The following GLIS3 variants were observed in gnomAD, a reference collection of about 807,000 sequenced individuals.
GLIS3 encodes zinc finger protein GLIS3.
In GLIS3, 53 loss-of-function variants were observed where a neutral mutation model predicts 78.6. The observed-to-expected ratio is 0.67, with a 90% CI of 0.54 to 0.85. The LOEUF is 0.85. Ranked by LOEUF, GLIS3 falls within the 40% of genes least tolerant of loss-of-function variation. The probability of loss-of-function intolerance (pLI) is 0.00; values close to 1 mark genes in which losing one functional copy is unlikely to be tolerated. For missense variants in GLIS3, 1,703 were observed against 1,231.1 expected (o/e 1.38, Z -5.74); for synonymous variants, 684 against 509.9 (o/e 1.34, Z -4.60).
the GLIS3 span, among the ~76,000 whole-genome samples, chr9:4,459,279 T>C: frequency 1.3e-5 from 2 of 152,046 alleles, no homozygotes; most frequent in Admixed American, 1.3e-4. Flanking sequence ...TGTGGGAATA[T>C]AAGAGAAAGA....
intron 2 of GLIS3, among the ~76,000 whole-genome samples, chr9:4,184,100 C>A (rs904231992): frequency 6.6e-6 from 1 of 152,124 alleles, no homozygotes; most frequent in Non-Finnish European, 1.5e-5. Flanking sequence ...GCCATTTATA[C>A]TGAAAACACC....
At chr9:4,427,041 C>T in the GLIS3 span, among the ~76,000 whole-genome samples, 1 of 152,102 alleles carries the variant, frequency 6.6e-6, no homozygotes, top group African/African-American at 2.4e-5. Flanking sequence ...ACAAATTTTG[C>T]ACATAGTAAA....
chr9:4,402,781 G>C, the GLIS3 span, among the ~76,000 whole-genome samples: 13 of 152,006 alleles, frequency 8.6e-5, no homozygotes, highest in African/African-American at 2.9e-4. Flanking sequence ...CACAGAAGGG[G>C]AAAGAAAGAT....
At chr9:4,466,618 G>C in the GLIS3 span, among the ~76,000 whole-genome samples, 1 of 152,232 alleles carries the variant, frequency 6.6e-6, no homozygotes, top group Non-Finnish European at 1.5e-5. Context: ...TGGAAATGCA[G>C]GTTGGTGTAT....
At chr9:4,022,335 T>G (rs1027745343) in intron 4 of GLIS3, among the ~76,000 whole-genome samples, 2 of 152,210 alleles carry the variant, frequency 1.3e-5, no homozygotes, top group Non-Finnish European at 2.9e-5. Flanking sequence ...ATATTTTAGG[T>G]TTTCCCCCTT....
intron 2 of GLIS3, among the ~76,000 whole-genome samples, chr9:4,275,882 T>C (rs57796216): frequency 0.029 from 4,369 of 152,286 alleles, 211 homozygotes; most frequent in African/African-American, 0.099. Flanking sequence ...CCCCATCTCA[T>C]AGGATGCTGC....
chr9:4,097,285 T>TA (rs971013613), intron 4 of GLIS3, among the ~76,000 whole-genome samples: 3 of 151,648 alleles, frequency 2.0e-5, no homozygotes, highest in South Asian at 4.2e-4. Flanking sequence ...GGATTCAAAG[T>TA]AAAAAAAAGT....
At chr9:4,198,617 A>G (rs1444888638) in intron 2 of GLIS3, among the ~76,000 whole-genome samples, 1 of 152,252 alleles carries the variant, frequency 6.6e-6, no homozygotes, top group African/African-American at 2.4e-5. Flanking sequence ...GGAGAAAAAG[A>G]AAATACCTTG....
chr9:4,295,523 T>G (rs1382186026), intron 1 of GLIS3, among the ~76,000 whole-genome samples: 1 of 151,988 alleles, frequency 6.6e-6, no homozygotes, highest in Non-Finnish European at 1.5e-5. Context: ...GACCCAAGAG[T>G]GCATATTGAA....
chr9:4,013,368 A>G lies in GLIS3; in HGVS notation c.1711-76179T>C, dbSNP rs1482021790. On this transcript the variant is annotated intron_variant, in intron 4 of 10. Coordinates refer to ENST00000381971, the MANE Select transcript of GLIS3 (RefSeq NM_001042413.2). ...TTTTTAAAGGTTTGTTGTGACTTTT[A>G]TTCCCAATATCCAAGGAAGCTGTAA... 2.0e-5 allele frequency among the ~76,000 whole-genome samples: 3 copies of G among 152,162 alleles called. No individual in the cohort carries two copies. The South Asian group carries it at 6.2e-4, about 32-fold the overall frequency.
At chr9:4,117,303 G>A (rs1464677511) in intron 4 of GLIS3, among the ~76,000 whole-genome samples, 1 of 152,188 alleles carries the variant, frequency 6.6e-6, no homozygotes, top group African/African-American at 2.4e-5. Flanking sequence ...TAGCCAAGTT[G>A]CTAAGTGGTG....
intron 2 of GLIS3, among the ~76,000 whole-genome samples, chr9:4,148,798 CAG>C (rs765542579): frequency 2.6e-5 from 4 of 152,150 alleles, no homozygotes; most frequent in Admixed American, 6.5e-5. Flanking sequence ...ATAAAATAAA[CAG>C]AGAAATTGCT....
rs181767810 is a variant in GLIS3, at chr9:4,000,641, T to A, written c.1711-63452A>T. On this transcript the variant is annotated intron_variant, in intron 4 of 10. Transcript: ENST00000381971. ...TGCCTAAAAGCTTCTAGTGGCCCCC[T>A]GCTGCTTACAGGACAAAATCTAACT... Among the ~76,000 whole-genome samples the A allele has an allele frequency of 2.5e-3, 381 of 152,316 alleles. 4 individuals are homozygous for A. The highest frequency in any genetic ancestry group is 8.7e-3 in the African/African-American group (363 of 41,576).
chr9:4,235,170 C>G (rs559173578), intron 2 of GLIS3, among the ~76,000 whole-genome samples: 2 of 152,054 alleles, frequency 1.3e-5, no homozygotes, highest in South Asian at 4.2e-4. Flanking sequence ...GTGGTGGCAC[C>G]TGCCTGTAGT....
chr9:3,976,246 G>A (rs1480531561), intron 4 of GLIS3, among the ~76,000 whole-genome samples: 1 of 151,976 alleles, frequency 6.6e-6, no homozygotes, highest in Non-Finnish European at 1.5e-5. Context: ...AATGAAGTTA[G>A]AAGATGAGAG....
intron 2 of GLIS3, among the ~76,000 whole-genome samples, chr9:4,229,162 T>C (rs1331750296): frequency 6.6e-6 from 1 of 152,156 alleles, no homozygotes; most frequent in East Asian, 1.9e-4. Flanking sequence ...TGAGGAAGGA[T>C]ACATGAGGGA....
intron 5 of GLIS3, among the ~76,000 whole-genome samples, chr9:3,934,026 T>A (rs1034775931): frequency 6.6e-6 from 1 of 152,228 alleles, no homozygotes; most frequent in East Asian, 1.9e-4. Context: ...GCACTGTGTT[T>A]CAGACTAGGG....
At chr9:4,112,705 G>A (rs1194022230) in intron 4 of GLIS3, among the ~76,000 whole-genome samples, 1 of 152,000 alleles carries the variant, frequency 6.6e-6, no homozygotes, top group East Asian at 1.9e-4. Context: ...AAATGATATG[G>A]GTGGAAAGAA....
At chr9:4,457,838 G>A in the GLIS3 span, among the ~76,000 whole-genome samples, 1 of 130,360 alleles carries the variant, frequency 7.7e-6, no homozygotes, top group Non-Finnish European at 1.6e-5. Context: ...GACAGAACGA[G>A]ACTCCATCTC....
Sources: allele counts gnomAD v4.1 joint callset (sites outside exome capture counted in the v4.1 genomes callset), GRCh38; gene constraint gnomAD v4.1.1; transcripts MANE v1.5; gene names NCBI Gene and HGNC (gene_info 2026-07-23, HGNC 2026-07-21).